The following PRKG1 variants were observed in gnomAD, a reference collection of about 807,000 sequenced individuals.
PRKG1 encodes cGMP-dependent protein kinase 1.
PRKG1 carries 35 observed loss-of-function variants against 88.1 expected under a neutral mutation model. The observed-to-expected ratio is 0.40, with a 90% CI of 0.30 to 0.53. The LOEUF is 0.53. Among genes scored for constraint, PRKG1 ranks in the 20% least tolerant of loss-of-function variants. PRKG1 has a pLI of 0.59. For missense variants in PRKG1, 540 were observed against 839.8 expected (o/e 0.64, Z 4.41); for synonymous variants, 303 against 292.5 (o/e 1.04, Z -0.37).
At chr10:51,898,404 T>G (rs1841902721) in intron 4 of PRKG1, among the ~76,000 whole-genome samples, 1 of 152,170 alleles carries the variant, frequency 6.6e-6, no homozygotes, top group Non-Finnish European at 1.5e-5. Flanking sequence ...ATTTCCTTGA[T>G]GAATAAGCTG....
At chr10:51,518,670 C>A (rs866295406) in intron 3 of PRKG1, among the ~76,000 whole-genome samples, 1 of 152,198 alleles carries the variant, frequency 6.6e-6, no homozygotes, top group Middle Eastern at 3.4e-3. Flanking sequence ...GCTTAAAATG[C>A]AGAAGAGGAA....
At chr10:52,084,281 T>C (rs1846855852) in intron 7 of PRKG1, among the ~76,000 whole-genome samples, 1 of 152,040 alleles carries the variant, frequency 6.6e-6, no homozygotes, top group Admixed American at 6.6e-5. Flanking sequence ...TCTGCTCAAC[T>C]AAGATGCTTT....
chr10:51,109,413 C>T (rs1010219704), intron 1 of PRKG1, among the ~76,000 whole-genome samples: 3 of 151,926 alleles, frequency 2.0e-5, no homozygotes, highest in Non-Finnish European at 4.4e-5. Flanking sequence ...GTCCAGAAAC[C>T]GACAACTGCC....
chr10:51,461,083 T>C (rs1335222511), intron 2 of PRKG1, among the ~76,000 whole-genome samples: 1 of 152,186 alleles, frequency 6.6e-6, no homozygotes, highest in Non-Finnish European at 1.5e-5. Context: ...ATAATGGTTT[T>C]AGTTCATATG....
chr10:51,457,601 G>C (rs1047808719), intron 2 of PRKG1, among the ~76,000 whole-genome samples: 8 of 152,098 alleles, frequency 5.3e-5, no homozygotes, highest in Admixed American at 5.2e-4. Context: ...AAAATAAACA[G>C]AATTATATAA....
chr10:51,964,188 T>A (rs1589462179), intron 5 of PRKG1, among the ~76,000 whole-genome samples: 1 of 152,278 alleles, frequency 6.6e-6, no homozygotes, highest in East Asian at 1.9e-4. Context: ...ATGATCCTGG[T>A]GTTTGGGTTC....
intron 5 of PRKG1, among the ~76,000 whole-genome samples, chr10:51,956,261 C>T (rs1843300064): frequency 6.6e-6 from 1 of 151,954 alleles, no homozygotes; most frequent in African/African-American, 2.4e-5. Context: ...TCCCCATAAG[C>T]TCTGTTATTC....
At chr10:51,724,676 C>T (rs1052128289) in intron 3 of PRKG1, among the ~76,000 whole-genome samples, 9 of 152,112 alleles carry the variant, frequency 5.9e-5, no homozygotes, top group Admixed American at 5.9e-4. Flanking sequence ...AGGCAAGAGC[C>T]ACCGTGCCTG....
chr10:51,479,236 C>T (rs963466878), intron 3 of PRKG1, among the ~76,000 whole-genome samples: 8 of 151,328 alleles, frequency 5.3e-5, no homozygotes, highest in East Asian at 3.9e-4. Context: ...TAAAATTTTT[C>T]GTAATTTTCT....
chr10:51,791,069 A>T (rs141356348), intron 3 of PRKG1, among the ~76,000 whole-genome samples: 3 of 152,302 alleles, frequency 2.0e-5, no homozygotes, highest in African/African-American at 7.2e-5. Flanking sequence ...GTACTTTACA[A>T]GTTAGAAGGA....
At chr10:51,138,744 A>G (rs552627114) in intron 1 of PRKG1, among the ~76,000 whole-genome samples, 1 of 122,130 alleles carries the variant, frequency 8.2e-6, no homozygotes, top group Admixed American at 1.2e-4. Flanking sequence ...GTACAGTGGC[A>G]TGATCTCGGC....
chr10:52,144,847 A>G (rs1353296197), intron 8 of PRKG1, among the ~76,000 whole-genome samples: 2 of 152,082 alleles, frequency 1.3e-5, no homozygotes, highest in Admixed American at 1.3e-4. Flanking sequence ...AAATAAATAA[A>G]CTTTAGTCTA....
At chr10:51,102,570 A>G (rs1844711515) in intron 1 of PRKG1, among the ~76,000 whole-genome samples, 1 of 152,232 alleles carries the variant, frequency 6.6e-6, no homozygotes, top group Non-Finnish European at 1.5e-5. Flanking sequence ...ACTGGAAGCC[A>G]GACACATTCC....
intron 16 of PRKG1, 36 bp downstream of exon 16, chr10:52,289,029 C>T: frequency 2.6e-6 from 4 of 1,552,000 alleles, no homozygotes; most frequent in Non-Finnish European, 2.6e-6. Flanking sequence ...GAACACGTGA[C>T]ATCATTTCCC....
chr10:51,903,406 G>A (rs545937039), intron 4 of PRKG1, among the ~76,000 whole-genome samples: 4 of 152,156 alleles, frequency 2.6e-5, no homozygotes, highest in African/African-American at 9.6e-5. Context: ...ATACTTAGGA[G>A]AATGTTTTTA....
At chr10:51,160,826 C>T (rs922720881) in intron 2 of PRKG1, among the ~76,000 whole-genome samples, 2 of 151,318 alleles carry the variant, frequency 1.3e-5, no homozygotes, top group Non-Finnish European at 1.5e-5. Flanking sequence ...TTGGTTTGTG[C>T]TTTTTGTATG....
intron 2 of PRKG1, among the ~76,000 whole-genome samples, chr10:51,268,418 G>A (rs1589295491): frequency 1.3e-5 from 2 of 152,054 alleles, no homozygotes; most frequent in East Asian, 3.9e-4. Context: ...CATAAAAGAC[G>A]GCTGCCCCTG....
chr10:52,162,274 A>C (rs1838296916), intron 9 of PRKG1, among the ~76,000 whole-genome samples: 3 of 152,152 alleles, frequency 2.0e-5, no homozygotes, highest in Admixed American at 2.0e-4. Flanking sequence ...CTTTCTGAAC[A>C]AATGGTGGTT....
chr10:51,785,859 G>T (rs1016191911), intron 3 of PRKG1, among the ~76,000 whole-genome samples: 1 of 152,088 alleles, frequency 6.6e-6, no homozygotes, highest in Non-Finnish European at 1.5e-5. Flanking sequence ...ATCTCATTCA[G>T]CCAATATAGA....
Sources: gnomAD v4.1 joint callset for allele counts (sites outside exome capture counted in the v4.1 genomes callset) on GRCh38, gnomAD v4.1.1 for gene constraint, MANE v1.5 for transcripts, NCBI Gene and HGNC (gene_info 2026-07-23, HGNC 2026-07-21) for gene names.